Variants in MAP4K5 observed in about 807,000 individuals in gnomAD.
MAP4K5 encodes MAPK/ERK kinase kinase kinase 5.
Under a neutral mutation model 135.6 loss-of-function variants are expected in MAP4K5, and 82 were observed. The ratio of observed to expected loss-of-function variants is 0.60; its 90% confidence interval spans 0.51 to 0.73. The LOEUF (loss-of-function observed/expected upper bound fraction) is 0.73. Among genes scored for constraint, MAP4K5 ranks in the 30% least tolerant of loss-of-function variants. The pLI, the probability that MAP4K5 is intolerant of heterozygous loss-of-function variation, is 0.00. For synonymous variants in MAP4K5, 347 were observed against 335.0 expected, an observed-to-expected ratio of 1.04 and a Z score of -0.39; for missense variants, 907 against 1,010.9, an observed-to-expected ratio of 0.90 and a Z score of 1.39.
At chr14:50,470,730 T>A (rs2036941472) in intron 9 of MAP4K5, among the ~76,000 whole-genome samples, 1 of 152,080 alleles carries the variant, frequency 6.6e-6, no homozygotes, top group African/African-American at 2.4e-5. Flanking sequence ...CTACTTGGAA[T>A]CTTGCTTTCT....
Position 50,468,121 on chromosome 14 carries a change from A to T in MAP4K5, c.674+530T>A, listed in dbSNP as rs193202704. On this transcript the variant is annotated intron_variant, in intron 10 of 32. Coordinates refer to ENST00000682126, the MANE Select transcript of MAP4K5 (RefSeq NM_006575.6). ...TATTCAGCATAGATACCTCTTCATTATTCCTGGATAAAATAAAAAGAAACA... is the reference window on the plus strand; with the variant it reads ...TATTCAGCATAGATACCTCTTCATTTTTCCTGGATAAAATAAAAAGAAACA... Among the ~76,000 whole-genome samples, 21 of 152,262 alleles carry T rather than the reference A, an allele frequency of 1.4e-4. No homozygotes were observed. In the East Asian group the frequency reaches 3.9e-3, roughly 28 times the overall value.
At chr14:50,523,237 G>A (rs1001302512) in intron 2 of MAP4K5, among the ~76,000 whole-genome samples, 2 of 152,080 alleles carry the variant, frequency 1.3e-5, no homozygotes, top group Non-Finnish European at 2.9e-5. Flanking sequence ...CTTGAACCTG[G>A]GAGGTGGAGG....
intron 12 of MAP4K5, 123 bp from the exon 13 acceptor site, chr14:50,462,904 A>AGTTT: frequency 1.7e-6 from 1 of 588,638 alleles, no homozygotes; most frequent in Non-Finnish European, 3.0e-6. Context: ...CTACTAACAC[A>AGTTT]AATAAACTGT....
intron 5 of MAP4K5, chr14:50,482,641 G>A (rs1340032036): frequency 2.8e-6 from 1 of 358,660 alleles, no homozygotes; most frequent in East Asian, 7.3e-5. Flanking sequence ...GCTGGGCATG[G>A]TGGTGCGCAC....
At chr14:50,447,232 CAAAT>C (rs1481144055) in intron 16 of MAP4K5, among the ~76,000 whole-genome samples, 178 bp downstream of exon 16, 2 of 152,062 alleles carry the variant, frequency 1.3e-5, no homozygotes, top group African/African-American at 2.4e-5. Context: ...AAAACAAAAA[CAAAT>C]AAAAAACCTT....
In MAP4K5 at chr14:50,526,933, C is replaced by T. The variant is rs886794210; in HGVS notation, c.108+5009G>A. Among the ~76,000 whole-genome samples the T allele has an allele frequency of 7.9e-5, 12 of 151,874 alleles. No homozygotes were observed. The South Asian group carries it at 1.2e-3, about 16-fold the overall frequency. Reference sequence around the variant, plus strand: ...TAAGACTACATGACAAAGACTTCTACGCAAATTATAACATCATTTATAATT... The same window carrying T: ...TAAGACTACATGACAAAGACTTCTATGCAAATTATAACATCATTTATAATT... On this transcript the variant is annotated intron_variant, in intron 2 of 32. Transcript: ENST00000682126.
intron 14 of MAP4K5, among the ~76,000 whole-genome samples, chr14:50,454,243 T>C (rs544395649): frequency 4.6e-5 from 7 of 152,268 alleles, no homozygotes; most frequent in Middle Eastern, 3.4e-3. Context: ...ATCAGAATAG[T>C]AATTCGCCTG....
chr14:50,508,641 A>C (rs1283733512), intron 2 of MAP4K5, among the ~76,000 whole-genome samples: 1 of 152,064 alleles, frequency 6.6e-6, no homozygotes, highest in East Asian at 1.9e-4. Context: ...GGTGCAGTAC[A>C]CCAACATGGG....
chr14:50,486,598 T>A (rs2037368121), intron 3 of MAP4K5, among the ~76,000 whole-genome samples: 1 of 152,190 alleles, frequency 6.6e-6, no homozygotes, highest in East Asian at 1.9e-4. Flanking sequence ...TCCTTTTTGG[T>A]CTGTATTTTA....
intron 8 of MAP4K5, among the ~76,000 whole-genome samples, chr14:50,475,531 A>T (rs1466788144): frequency 6.6e-6 from 1 of 151,880 alleles, no homozygotes; most frequent in Admixed American, 6.6e-5. Context: ...TTTTACAGTC[A>T]TTTTTTTCTA....
intron 3 of MAP4K5, among the ~76,000 whole-genome samples, chr14:50,494,538 C>A (rs115827986): frequency 3.3e-4 from 50 of 152,060 alleles, no homozygotes; most frequent in African/African-American, 1.2e-3. Context: ...ATGAAAAATT[C>A]TGGTAACATT....
At chr14:50,511,715 T>C (rs2037933523) in intron 2 of MAP4K5, among the ~76,000 whole-genome samples, 1 of 152,110 alleles carries the variant, frequency 6.6e-6, no homozygotes, top group African/African-American at 2.4e-5. Context: ...TTAAATTTAA[T>C]AATAGAAGAA....
At chr14:50,516,211 T>C (rs984619902) in intron 2 of MAP4K5, among the ~76,000 whole-genome samples, 5 of 152,200 alleles carry the variant, frequency 3.3e-5, no homozygotes, top group African/African-American at 9.6e-5. Context: ...CATAAAGAAA[T>C]AGCAAGTCAA....
chr14:50,437,382 C>T, intron 26 of MAP4K5, 94 bp downstream of exon 26: 1 of 948,110 alleles, frequency 1.1e-6, no homozygotes, highest in Non-Finnish European at 1.6e-6. Context: ...TAAAAACCTA[C>T]CCTCCTTCCT....
intron 6 of MAP4K5, among the ~76,000 whole-genome samples, chr14:50,480,561 G>C (rs2037216139): frequency 6.6e-6 from 1 of 152,022 alleles, no homozygotes; most frequent in African/African-American, 2.4e-5. Flanking sequence ...TGTGATGTTT[G>C]TCTTTCTGTC....
chr14:50,444,906 G>T, intron 18 of MAP4K5, 135 bp downstream of exon 18: 1 of 939,052 alleles, frequency 1.1e-6, no homozygotes, highest in Non-Finnish European at 1.5e-6. Flanking sequence ...GCTATAATAG[G>T]ATTGACTAAA....
chr14:50,433,692 C>T (rs1299217701), intron 28 of MAP4K5, among the ~76,000 whole-genome samples: 1 of 152,084 alleles, frequency 6.6e-6, no homozygotes, highest in Non-Finnish European at 1.5e-5. Flanking sequence ...AAGAATACAA[C>T]AGTGGTGAGT....
chr14:50,457,836 C>T (rs2036624058), intron 13 of MAP4K5, among the ~76,000 whole-genome samples: 1 of 152,146 alleles, frequency 6.6e-6, no homozygotes, highest in African/African-American at 2.4e-5. Flanking sequence ...TCTCCTTATC[C>T]AGTTTATGTC....
intron 13 of MAP4K5, among the ~76,000 whole-genome samples, chr14:50,459,577 A>G (rs2036664197): frequency 6.6e-6 from 1 of 152,178 alleles, no homozygotes; most frequent in Non-Finnish European, 1.5e-5. Flanking sequence ...TACTACCCTT[A>G]GACTAAAGCC....
Sources: allele counts gnomAD v4.1 joint callset (sites outside exome capture counted in the v4.1 genomes callset), GRCh38; gene constraint gnomAD v4.1.1; transcripts MANE v1.5; gene names NCBI Gene and HGNC (gene_info 2026-07-23, HGNC 2026-07-21).